The following SPG11 variants were observed in gnomAD, a reference collection of about 807,000 sequenced individuals.
SPG11 encodes SPG11 vesicle trafficking associated, spatacsin, also known as spatacsin.
SPG11 carries 222 observed loss-of-function variants against 274.0 expected under a neutral mutation model. That is an observed-to-expected ratio of 0.81 (90% CI 0.73 to 0.91). The LOEUF (loss-of-function observed/expected upper bound fraction) is 0.91. SPG11 is among the 40% of genes least tolerant of loss of function. SPG11 has a pLI of 0.00. For missense variants in SPG11, 3,114 were observed against 2,872.7 expected (o/e 1.08, Z -1.92); for synonymous variants, 1,144 against 1,039.7 (o/e 1.10, Z -1.93).
At chr15:44,577,290 C>G (rs1015629484) in intron 30 of SPG11, among the ~76,000 whole-genome samples, 1 of 151,840 alleles carries the variant, frequency 6.6e-6, no homozygotes, top group East Asian at 1.9e-4. Context: ...ATCCCTGGAG[C>G]CTAGGAGTTT....
intron 17 of SPG11, 75 bp from the exon 18 acceptor site, chr15:44,611,060 C>T: frequency 6.7e-6 from 2 of 299,364 alleles, no homozygotes; most frequent in Non-Finnish European, 1.2e-5. Flanking sequence ...AATGTGAGAA[C>T]AATAACATAA....
intron 20 of SPG11, among the ~76,000 whole-genome samples, chr15:44,605,140 T>C (rs550880484): frequency 6.6e-6 from 1 of 151,914 alleles, no homozygotes; most frequent in Non-Finnish European, 1.5e-5. Flanking sequence ...AGTGATGGAG[T>C]TGGAGCCATC....
intron 30 of SPG11, among the ~76,000 whole-genome samples, chr15:44,578,060 T>C (rs1030445076): frequency 6.8e-6 from 1 of 148,056 alleles, no homozygotes; most frequent in Admixed American, 6.8e-5. Flanking sequence ...AGTCTCGCTC[T>C]GTCGCCCAGG....
At chr15:44,603,383 C>A (rs1033933216) in intron 20 of SPG11, among the ~76,000 whole-genome samples, 4 of 152,196 alleles carry the variant, frequency 2.6e-5, no homozygotes, top group Non-Finnish European at 5.9e-5. Flanking sequence ...TGAGCCACTG[C>A]ACCTGGCCTC....
At chr15:44,654,751 G>A (rs2084887894) in intron 4 of SPG11, among the ~76,000 whole-genome samples, 1 of 150,470 alleles carries the variant, frequency 6.6e-6, no homozygotes, top group African/African-American at 2.5e-5. Context: ...CAGGAGAATC[G>A]CTTGAACCCA....
intron 31 of SPG11, among the ~76,000 whole-genome samples, chr15:44,574,305 G>T (rs1403403978): frequency 6.6e-6 from 1 of 152,164 alleles, no homozygotes; most frequent in East Asian, 1.9e-4. Flanking sequence ...TGCCCAGCCT[G>T]ATTTTTAAAA....
chr15:44,601,545 G>A (rs927145874), intron 20 of SPG11, among the ~76,000 whole-genome samples: 10 of 148,958 alleles, frequency 6.7e-5, no homozygotes, highest in African/African-American at 1.2e-4. Context: ...ACATGCGTGC[G>A]CCCAGCCTCT....
intron 18 of SPG11, 68 bp downstream of exon 18, chr15:44,610,772 G>A: frequency 7.3e-7 from 1 of 1,366,826 alleles, no homozygotes; most frequent in Non-Finnish European, 1.0e-6. Context: ...CTGAGATCTA[G>A]ACAATCCATA....
At chr15:44,583,398 C>T (rs1320490211) in intron 30 of SPG11, among the ~76,000 whole-genome samples, 1 of 152,086 alleles carries the variant, frequency 6.6e-6, no homozygotes, top group African/African-American at 2.4e-5. Context: ...GCGGAGGTTG[C>T]AGTGAGCTGA....
At chr15:44,573,283 C>T (rs2082462554) in intron 32 of SPG11, 1 of 609,498 alleles carries the variant, frequency 1.6e-6, no homozygotes, top group Admixed American at 2.8e-5. Context: ...CCGCGCCCGG[C>T]CAGGACAGTT....
chr15:44,598,529 A>T, intron 22 of SPG11, 102 bp downstream of exon 22: 1 of 1,352,046 alleles, frequency 7.4e-7, no homozygotes, highest in Non-Finnish European at 1.1e-6. Flanking sequence ...AAAGGATAAA[A>T]CCAAGAAGAT....
intron 39 of SPG11, among the ~76,000 whole-genome samples, chr15:44,563,847 C>T (rs778160987): frequency 9.2e-5 from 14 of 152,120 alleles, no homozygotes; most frequent in Non-Finnish European, 1.9e-4. Context: ...CTTACTATTA[C>T]CTATAGAGGA....
At chr15:44,583,170 T>C (rs1325309812) in intron 30 of SPG11, among the ~76,000 whole-genome samples, 1 of 152,192 alleles carries the variant, frequency 6.6e-6, no homozygotes, top group Non-Finnish European at 1.5e-5. Flanking sequence ...CAAAGTCATA[T>C]AAAGGTAACA....
In SPG11 at chr15:44,584,360, G is replaced by A; in HGVS notation, c.5320C>T (p.Leu1774=). Residue 1774 remains leucine (L), a synonymous_variant, in exon 30 of 40, where the codon CTG becomes TTG. Transcript: ENST00000261866. ...TGWSSMEERH[L]LLTLAGHWLA... ...CAGTGCCCTGCCAAGGTGAGCAGCA[G>A]ATGGCGCTCCTCCATGCTGCTCCAT... 1.2e-6 allele frequency: 2 copies of A among 1,611,560 alleles called. No homozygotes were observed. The highest frequency in any genetic ancestry group is 1.1e-5 in the South Asian group (1 of 90,996).
intron 9 of SPG11, 69 bp downstream of exon 9, chr15:44,629,164 A>G: frequency 1.3e-6 from 2 of 1,547,932 alleles, no homozygotes; most frequent in African/African-American, 1.4e-5. Flanking sequence ...GTGTCACCCA[A>G]TAGCAGCACT....
At chr15:44,609,042 G>A (rs1055682490) in intron 18 of SPG11, among the ~76,000 whole-genome samples, 3 of 152,114 alleles carry the variant, frequency 2.0e-5, no homozygotes, top group South Asian at 2.1e-4. Context: ...TTAAATAGTC[G>A]TGTTTTAAGG....
rs145875713 is a variant in SPG11 at position 44,608,364 on chromosome 15, C to T, written c.3453+80G>A. Reference sequence around the variant, plus strand: ...GTAATTCCCTACATTAAATGCCCTCCGGTTGAAAGATCTAGAGTGATTTCT... The same window carrying T: ...GTAATTCCCTACATTAAATGCCCTCTGGTTGAAAGATCTAGAGTGATTTCT... On this transcript the variant is annotated intron_variant, in intron 19 of 39. Transcript: ENST00000261866. The T allele has an allele frequency of 3.5e-4, 510 of 1,467,008 alleles. 1 individual carries two copies. In the African/African-American group the frequency reaches 3.5e-3, roughly 10 times the overall value. The allele number at this position is 1,467,008 out of a possible 1,614,324, so 90.9% of individuals were successfully genotyped here.
At chr15:44,660,331 G>A in intron 2 of SPG11, 101 bp downstream of exon 2, 1 of 1,028,144 alleles carries the variant, frequency 9.7e-7, no homozygotes, top group Non-Finnish European at 1.5e-6. Flanking sequence ...ATATCAGACA[G>A]CGTAGACCTG....
intron 36 of SPG11, among the ~76,000 whole-genome samples, chr15:44,566,535 C>G (rs975982249): frequency 6.6e-6 from 1 of 152,174 alleles, no homozygotes; most frequent in African/African-American, 2.4e-5. Flanking sequence ...TCCAAAACAT[C>G]AAGGAAGGCT....
Sources: allele counts gnomAD v4.1 joint callset (sites outside exome capture counted in the v4.1 genomes callset), GRCh38; gene constraint gnomAD v4.1.1; transcripts MANE v1.5; gene names NCBI Gene and HGNC (gene_info 2026-07-23, HGNC 2026-07-21).